CAMTA1: variants seen among roughly 807,000 people sequenced by gnomAD.
CAMTA1 encodes the protein calmodulin binding transcription activator 1.
In CAMTA1, 27 loss-of-function variants were observed where a neutral mutation model predicts 170.9. The ratio of observed to expected loss-of-function variants is 0.16; its 90% CI spans 0.12 to 0.22. The LOEUF is 0.22. Among genes scored for constraint, CAMTA1 ranks in the 10% least tolerant of loss-of-function variants. The pLI is 1.00. For missense variants in CAMTA1, 1,619 were observed against 2,217.2 expected, an observed-to-expected ratio of 0.73 and a Z score of 5.42; for synonymous variants, 833 against 891.5, an observed-to-expected ratio of 0.93 and a Z score of 1.17.
At chr1:7,690,151 G>A (rs1048381738) in intron 11 of CAMTA1, among the ~76,000 whole-genome samples, 4 of 152,166 alleles carry the variant, frequency 2.6e-5, no homozygotes, top group South Asian at 2.1e-4. Context: ...CAACAAGAGC[G>A]AAACTCCATC....
chr1:7,431,642 A>G (rs933935908), intron 5 of CAMTA1, among the ~76,000 whole-genome samples: 1 of 152,108 alleles, frequency 6.6e-6, no homozygotes, highest in African/African-American at 2.4e-5. Flanking sequence ...GGTGGCCTCT[A>G]CTTCCTCCTG....
chr1:7,185,268 C>T (rs1208586237), intron 4 of CAMTA1, among the ~76,000 whole-genome samples: 1 of 152,122 alleles, frequency 6.6e-6, no homozygotes, highest in African/African-American at 2.4e-5. Flanking sequence ...GTAAACCTAC[C>T]ACCCTGATTT....
At chr1:7,247,067 G>A (rs1468254137) in intron 4 of CAMTA1, among the ~76,000 whole-genome samples, 1 of 152,142 alleles carries the variant, frequency 6.6e-6, no homozygotes, top group Admixed American at 6.5e-5. Context: ...TTGTGGTAAG[G>A]GCCTTCCCCA....
At chr1:6,869,346 C>T (rs1383827220) in intron 3 of CAMTA1, among the ~76,000 whole-genome samples, 1 of 152,218 alleles carries the variant, frequency 6.6e-6, no homozygotes, top group Non-Finnish European at 1.5e-5. Context: ...GGCCCAATAA[C>T]CTCAAATAGT....
At chr1:7,158,174 A>G (rs1647005193) in intron 4 of CAMTA1, among the ~76,000 whole-genome samples, 1 of 152,154 alleles carries the variant, frequency 6.6e-6, no homozygotes, top group African/African-American at 2.4e-5. Flanking sequence ...AAGAAAACCA[A>G]AACACGTTTT....
Position 7,286,707 on chromosome 1 carries a change from A to G in CAMTA1, c.438+37081A>G, listed in dbSNP as rs765368874. 1.3e-5 allele frequency among the ~76,000 whole-genome samples: 2 copies of G among 152,234 alleles called. No homozygotes were observed. Among genetic ancestry groups the G allele is most frequent in the Non-Finnish European group, 1.5e-5 (1 of 68,038 alleles). ...ATTGTAAAGGGTCTTAAATGACCCC[A>G]AATATCCCTGCCTAACAGTCAACAA... On this transcript the variant is annotated intron_variant, in intron 5 of 22. Transcript: ENST00000303635. The surrounding 1 kb of genome is among the most constrained non-coding windows in gnomAD (Gnocchi z 4.2).
At chr1:7,415,862 C>G (rs1199557510) in intron 5 of CAMTA1, among the ~76,000 whole-genome samples, 1 of 152,180 alleles carries the variant, frequency 6.6e-6, no homozygotes, top group African/African-American at 2.4e-5. Context: ...CCTTGATGGT[C>G]TTTACAATTT....
At chr1:6,893,607 G>A (rs1557777713) in intron 3 of CAMTA1, among the ~76,000 whole-genome samples, 1 of 152,178 alleles carries the variant, frequency 6.6e-6, no homozygotes, top group East Asian at 1.9e-4. Flanking sequence ...GCACTGAGGG[G>A]GTTGTGCGTT....
chr1:7,692,854 C>CG (rs2096333490), intron 11 of CAMTA1, among the ~76,000 whole-genome samples: 1 of 152,180 alleles, frequency 6.6e-6, no homozygotes, highest in Non-Finnish European at 1.5e-5. Context: ...GGCATCCCCC[C>CG]ACCCCCCAGG....
chr1:7,105,152 A>G (rs1049384695), intron 4 of CAMTA1, among the ~76,000 whole-genome samples: 3 of 152,228 alleles, frequency 2.0e-5, no homozygotes, highest in African/African-American at 4.8e-5. Flanking sequence ...TAGTAAAGTT[A>G]ATTGATGAAT....
At chr1:7,629,985 C>A (rs6691615) in intron 6 of CAMTA1, among the ~76,000 whole-genome samples, 1 of 152,126 alleles carries the variant, frequency 6.6e-6, no homozygotes, top group Non-Finnish European at 1.5e-5. Context: ...AGCTCCCATA[C>A]CCTCTGACAC....
intron 11 of CAMTA1, among the ~76,000 whole-genome samples, chr1:7,718,456 A>T: frequency 6.7e-6 from 1 of 148,194 alleles, no homozygotes. Flanking sequence ...AAGTGTTAGG[A>T]TTTTCATTTT....
intron 3 of CAMTA1, among the ~76,000 whole-genome samples, chr1:7,060,405 T>C (rs1708029626): frequency 6.6e-6 from 1 of 152,228 alleles, no homozygotes; most frequent in African/African-American, 2.4e-5. Flanking sequence ...TCATATTGGA[T>C]CAGGGCCCAC....
At chr1:7,221,562 G>A (rs1304882412) in intron 4 of CAMTA1, among the ~76,000 whole-genome samples, 1 of 152,022 alleles carries the variant, frequency 6.6e-6, no homozygotes, top group Non-Finnish European at 1.5e-5. Flanking sequence ...TCTTTATATG[G>A]TACCAGGCAG....
intron 7 of CAMTA1, among the ~76,000 whole-genome samples, chr1:7,650,882 T>C (rs1315693922): frequency 6.6e-6 from 1 of 152,200 alleles, no homozygotes; most frequent in Non-Finnish European, 1.5e-5. Flanking sequence ...GGGCCTTTAT[T>C]CCTGTCAACA....
intron 6 of CAMTA1, among the ~76,000 whole-genome samples, chr1:7,523,023 C>T (rs1245492159): frequency 1.3e-5 from 2 of 152,202 alleles, no homozygotes; most frequent in East Asian, 1.9e-4. Flanking sequence ...TGCGCCACCA[C>T]GCCCAGCTAA....
chr1:7,046,338 C>G (rs946542033), intron 3 of CAMTA1, among the ~76,000 whole-genome samples: 1 of 152,232 alleles, frequency 6.6e-6, no homozygotes, highest in East Asian at 1.9e-4. Flanking sequence ...GGACCTGGAA[C>G]AGCAGGAGGC....
intron 3 of CAMTA1, among the ~76,000 whole-genome samples, chr1:6,826,107 CT>C (rs749638871): frequency 7.2e-5 from 11 of 152,204 alleles, no homozygotes; most frequent in Non-Finnish European, 1.3e-4. Context: ...GAAAATAGTG[CT>C]GCCTATTGAG....
chr1:7,186,064 G>C (rs1320093548), intron 4 of CAMTA1, among the ~76,000 whole-genome samples: 1 of 152,178 alleles, frequency 6.6e-6, no homozygotes, highest in Non-Finnish European at 1.5e-5. Context: ...CAGTGAAGAG[G>C]TACAGGGGCA....
Sources: allele counts gnomAD v4.1 joint callset (sites outside exome capture counted in the v4.1 genomes callset), GRCh38; gene constraint gnomAD v4.1.1; non-coding constraint Gnocchi (gnomAD v3.1); transcripts MANE v1.5; gene names NCBI Gene and HGNC (gene_info 2026-07-23, HGNC 2026-07-21).